ROCK2: variants seen among roughly 807,000 people sequenced by gnomAD.
ROCK2 encodes rho-associated protein kinase 2.
A neutral mutation model predicts 195.1 loss-of-function variants in ROCK2; 61 were observed. That is an observed-to-expected ratio of 0.31 (90% confidence interval 0.25 to 0.39). ROCK2 has a LOEUF of 0.39. Ranked by LOEUF, ROCK2 falls within the 10% of genes least tolerant of loss-of-function variation. The pLI is 1.00. For missense variants in ROCK2, 1,109 were observed against 1,637.4 expected (o/e 0.68, Z 5.57); for synonymous variants, 504 against 545.5 (o/e 0.92, Z 1.06).
At chr2:11,311,052 C>G (rs1364981736) in intron 1 of ROCK2, among the ~76,000 whole-genome samples, 1 of 151,348 alleles carries the variant, frequency 6.6e-6, no homozygotes, top group Admixed American at 6.6e-5. Context: ...CAACTCTCAA[C>G]TAGCTATGAA....
At chr2:11,342,927 A>G (rs1444520347) in intron 1 of ROCK2, among the ~76,000 whole-genome samples, 1 of 152,186 alleles carries the variant, frequency 6.6e-6, no homozygotes, top group Non-Finnish European at 1.5e-5. Flanking sequence ...ACCGCCTCTG[A>G]CCAAAAGCCA....
intron 12 of ROCK2, 62 bp downstream of exon 12, chr2:11,217,028 T>G (rs1664458142): frequency 2.2e-6 from 2 of 899,802 alleles, no homozygotes; most frequent in Admixed American, 2.2e-5. Flanking sequence ...GGCCGCTCTT[T>G]TTTCAGTAAA....
intron 1 of ROCK2, among the ~76,000 whole-genome samples, chr2:11,327,235 T>G (rs1168173841): frequency 1.3e-5 from 2 of 152,224 alleles, no homozygotes. Context: ...AATGGGTTCC[T>G]GCCTGCTAGT....
In ROCK2 at chr2:11,198,682, C is replaced by T; in HGVS notation, c.3003G>A (p.Glu1001=). ...TAAACATTTTTTGTTAATACATACGCTCTTGAACATCTTTCAATTTGTTAT... is the reference window on the plus strand; with the variant it reads ...TAAACATTTTTTGTTAATACATACGTTCTTGAACATCTTTCAATTTGTTAT... ...ELNNKLKDVQ[E]QLSRLKDEEI... is the part of the protein sequence containing the mutation. Residue 1001 remains glutamate (E), a splice_region_variant and synonymous_variant, in exon 24 of 33, where the codon GAG becomes GAA. Transcript: ENST00000315872. 6.2e-7 allele frequency: 1 copy of T among 1,600,572 alleles called. No individual in the cohort carries two copies. The highest frequency in any genetic ancestry group is 8.5e-7 in the Non-Finnish European group (1 of 1,169,902).
intron 3 of ROCK2, among the ~76,000 whole-genome samples, chr2:11,260,940 A>C (rs1021355946): frequency 5.3e-5 from 8 of 152,230 alleles, no homozygotes; most frequent in African/African-American, 1.7e-4. Context: ...CACTTAAAAT[A>C]ATCTATTACT....
At chr2:11,337,979 T>G (rs918352782) in intron 1 of ROCK2, among the ~76,000 whole-genome samples, 2 of 152,090 alleles carry the variant, frequency 1.3e-5, no homozygotes, top group Non-Finnish European at 2.9e-5. Flanking sequence ...ATCTGCCCTA[T>G]GAGTTAGCAA....
chr2:11,251,143 C>G (rs1214821566), intron 3 of ROCK2, among the ~76,000 whole-genome samples: 7 of 152,208 alleles, frequency 4.6e-5, no homozygotes, highest in Admixed American at 2.0e-4. Context: ...ATTCCATTCT[C>G]TGTGTCATGT....
intron 1 of ROCK2, 86 bp downstream of exon 1, chr2:11,343,910 C>A (rs1669192894): frequency 2.7e-6 from 4 of 1,463,968 alleles, no homozygotes; most frequent in Non-Finnish European, 3.6e-6. Flanking sequence ...CCCCTCCCCA[C>A]GGGCGGACGG....
Position 11,344,409 on chromosome 2 carries a change from G to A in ROCK2, c.-273C>T. ...GCCCCTCAGTCAGATTCGCGCCGCC[G>A]GTCCGCTGGTCCTCAGCGAGTGCCC... On this transcript the variant is annotated 5_prime_UTR_variant, in exon 1 of 33. Transcript: ENST00000315872. This position sits in a 1 kb window ranked among gnomAD's most constrained non-coding sequence, Gnocchi z 5.4. The A allele has an allele frequency of 9.2e-7, 1 of 1,088,480 alleles. No individual in the cohort carries two copies. 67.4% of individuals were successfully genotyped at this position (1,088,480 alleles called of 1,614,324 possible).
intron 3 of ROCK2, among the ~76,000 whole-genome samples, chr2:11,251,224 C>T (rs1014653611): frequency 3.3e-5 from 5 of 152,190 alleles, no homozygotes; most frequent in Non-Finnish European, 7.3e-5. Flanking sequence ...TTCTCAGCAC[C>T]AGAATATAAA....
At chr2:11,265,987 T>C (rs1184286655) in intron 3 of ROCK2, among the ~76,000 whole-genome samples, 1 of 152,062 alleles carries the variant, frequency 6.6e-6, no homozygotes, top group Admixed American at 6.6e-5. Context: ...CCTGTGGTCC[T>C]TTTTCTATTT....
chr2:11,278,575 A>G (rs750552709), intron 3 of ROCK2, among the ~76,000 whole-genome samples: 3 of 152,128 alleles, frequency 2.0e-5, no homozygotes, highest in Non-Finnish European at 4.4e-5. Flanking sequence ...TTAGATATAT[A>G]CCTACTAGTG....
At chr2:11,186,809 T>C (rs979368660) in intron 32 of ROCK2, among the ~76,000 whole-genome samples, 1 of 152,206 alleles carries the variant, frequency 6.6e-6, no homozygotes, top group Non-Finnish European at 1.5e-5. Context: ...GAACTGATTT[T>C]CCCTTATTTG....
intron 1 of ROCK2, among the ~76,000 whole-genome samples, chr2:11,320,523 T>C (rs1057415254): frequency 1.3e-5 from 2 of 152,144 alleles, no homozygotes; most frequent in Non-Finnish European, 2.9e-5. Context: ...GTCACCACTG[T>C]GATAAATACC....
rs766991543 is a variant in ROCK2 at position 11,192,654 on chromosome 2, A to G, written c.3746T>C (p.Val1249Ala). Residue 1249 changes from valine (V) to alanine (A), a missense_variant, in exon 31 of 33, where the codon GTT becomes GCT. Physicochemically the swap from Val to Ala is moderately conservative, Grantham distance 64. Transcript: ENST00000315872. The surrounding 1 kb of genome is among the most constrained non-coding windows in gnomAD (Gnocchi z 5.0). Reference protein sequence around the residue: ...KKEQEFPVEPVGEKSNYICHK... With the variant: ...KKEQEFPVEPAGEKSNYICHK... The stretch of plus-strand genomic sequence containing the variant: ...GCAAATATAATTAGATTTTTCTCCA[A>G]CTGGCTCCACTGGAAATTCTTGTTC... The G allele has an allele frequency of 1.8e-5, 29 of 1,613,786 alleles. No individual in the cohort carries two copies. The highest frequency in any genetic ancestry group is 2.4e-5 in the Non-Finnish European group (28 of 1,179,934).
At chr2:11,337,148 G>A (rs946962204) in intron 1 of ROCK2, among the ~76,000 whole-genome samples, 1 of 151,930 alleles carries the variant, frequency 6.6e-6, no homozygotes, top group Non-Finnish European at 1.5e-5. Context: ...AGGAGGCTGA[G>A]GAGGGAGAAT....
intron 23 of ROCK2, among the ~76,000 whole-genome samples, chr2:11,200,117 C>T (rs1285895446): frequency 6.6e-6 from 1 of 152,172 alleles, no homozygotes; most frequent in African/African-American, 2.4e-5. Flanking sequence ...TTTAGGTTTT[C>T]TCTTTCAGCT....
chr2:11,271,766 G>A (rs992086944), intron 3 of ROCK2, among the ~76,000 whole-genome samples: 23 of 152,278 alleles, frequency 1.5e-4, no homozygotes, highest in African/African-American at 4.1e-4. Context: ...GGTGGCTCAC[G>A]CCTGTAATCC....
intron 3 of ROCK2, among the ~76,000 whole-genome samples, chr2:11,256,490 T>C (rs942530827): frequency 7.3e-5 from 11 of 151,376 alleles, no homozygotes; most frequent in Admixed American, 2.0e-4. Flanking sequence ...GTGAGTCAAT[T>C]AAACCTCTTT....
Sources: allele counts gnomAD v4.1 joint callset (sites outside exome capture counted in the v4.1 genomes callset), GRCh38; gene constraint gnomAD v4.1.1; non-coding constraint Gnocchi (gnomAD v3.1); transcripts MANE v1.5; gene names NCBI Gene and HGNC (gene_info 2026-07-23, HGNC 2026-07-21).